Variants in KCNIP1 observed in about 807,000 individuals in gnomAD.
The protein encoded by KCNIP1 is A-type potassium channel modulatory protein KCNIP1.
Under a neutral mutation model 33.0 loss-of-function variants are expected in KCNIP1, and 18 were observed. The ratio of observed to expected loss-of-function variants is 0.55; its 90% CI spans 0.38 to 0.81. The LOEUF is 0.81. KCNIP1 is among the 30% of genes least tolerant of loss of function. The probability of loss-of-function intolerance (pLI) is 0.00; values close to 1 mark genes in which losing one functional copy is unlikely to be tolerated. For missense variants in KCNIP1, 238 were observed against 271.6 expected (o/e 0.88, Z 0.87); for synonymous variants, 93 against 98.3 (o/e 0.95, Z 0.32).
chr5:170,451,722 ATTGT>A lies in KCNIP1; in HGVS notation c.88+97759_88+97762del, dbSNP rs1334445759. Among the ~76,000 whole-genome samples, 23 of 77,302 alleles carry A rather than the reference ATTGT, an allele frequency of 3.0e-4. 1 individual carries two copies. Among genetic ancestry groups the A allele is most frequent in the African/African-American group, 1.2e-3 (21 of 18,000 alleles). The allele number at this position is 77,302 out of a possible 152,430, so 50.7% of individuals were successfully genotyped here. Reference sequence around the variant, plus strand: ...GGACAGTTGCTTCAGCTTCTCCTGCATTGTGTGTGTGTGTGTGTGTGTGTGTGTG... The same window carrying A: ...GGACAGTTGCTTCAGCTTCTCCTGCAGTGTGTGTGTGTGTGTGTGTGTGTG... On this transcript the variant is annotated intron_variant, in intron 1 of 7. Coordinates refer to the KCNIP1 transcript ENST00000377360.
chr5:170,391,774 T>C (rs1045670138), intron 1 of KCNIP1, among the ~76,000 whole-genome samples: 1 of 152,198 alleles, frequency 6.6e-6, no homozygotes, highest in African/African-American at 2.4e-5. Context: ...AAGCTTCAGT[T>C]TGTCTGTCTC....
chr5:170,548,531 G>A (rs1381813598), intron 1 of KCNIP1, among the ~76,000 whole-genome samples: 1 of 152,196 alleles, frequency 6.6e-6, no homozygotes, highest in African/African-American at 2.4e-5. Flanking sequence ...ATTTTCATTT[G>A]AGGTTTTTCA....
chr5:170,505,009 G>A (rs370113933), intron 1 of KCNIP1, among the ~76,000 whole-genome samples: 5 of 152,312 alleles, frequency 3.3e-5, no homozygotes, highest in African/African-American at 1.2e-4. Flanking sequence ...CACTCAGTGA[G>A]GGTGCTGCCA....
intron 3 of KCNIP1, chr5:170,721,632 G>T (rs1489172861): frequency 4.1e-6 from 4 of 983,890 alleles, no homozygotes; most frequent in Non-Finnish European, 6.1e-6. Flanking sequence ...AGGGGCAAGG[G>T]CTCATCTCAC....
chr5:170,576,082 C>T (rs1183432555), intron 1 of KCNIP1, among the ~76,000 whole-genome samples: 1 of 152,196 alleles, frequency 6.6e-6, no homozygotes, highest in Non-Finnish European at 1.5e-5. Flanking sequence ...TCTTCCTGCT[C>T]CATGTGGAGT....
At chr5:170,604,819 C>G (rs895715752) in intron 1 of KCNIP1, among the ~76,000 whole-genome samples, 7 of 152,238 alleles carry the variant, frequency 4.6e-5, no homozygotes, top group Non-Finnish European at 8.8e-5. Flanking sequence ...GTTCAGCCCC[C>G]CCAGGAGAGG....
chr5:170,559,692 A>G (rs1756966324), intron 1 of KCNIP1, among the ~76,000 whole-genome samples: 1 of 151,920 alleles, frequency 6.6e-6, no homozygotes, highest in Admixed American at 6.6e-5. Context: ...TGGACATTTC[A>G]CCTCTACATC....
At chr5:170,573,081 C>T (rs184764542) in intron 1 of KCNIP1, among the ~76,000 whole-genome samples, 148 of 152,352 alleles carry the variant, frequency 9.7e-4, no homozygotes, top group Non-Finnish European at 1.0e-3. Context: ...GCTCCCACCT[C>T]GGCTCTGGCA....
At chr5:170,513,608 G>C (rs1217703479) in intron 1 of KCNIP1, among the ~76,000 whole-genome samples, 1 of 152,236 alleles carries the variant, frequency 6.6e-6, no homozygotes, top group African/African-American at 2.4e-5. Context: ...AGGCATTCTA[G>C]GTCTTTATCT....
At chr5:170,576,774 C>T (rs1362830112) in intron 1 of KCNIP1, among the ~76,000 whole-genome samples, 4 of 152,218 alleles carry the variant, frequency 2.6e-5, no homozygotes, top group African/African-American at 7.2e-5. Context: ...TTCTGTCTCA[C>T]TTCCTCAATT....
intron 1 of KCNIP1, among the ~76,000 whole-genome samples, chr5:170,589,763 G>GTGTGATGTGA (rs1758147316): frequency 7.9e-6 from 1 of 127,384 alleles, no homozygotes; most frequent in Non-Finnish European, 1.7e-5. Flanking sequence ...GTGTGGTGTG[G>GTGTGATGTGA]TGTGGTGTGG....
intron 1 of KCNIP1, among the ~76,000 whole-genome samples, chr5:170,670,656 G>A (rs925360908): frequency 1.3e-5 from 2 of 152,188 alleles, no homozygotes; most frequent in African/African-American, 4.8e-5. Flanking sequence ...ACTTTGGGAG[G>A]CTGAAGCGGG....
At chr5:170,615,042 C>T (rs1759314480) in intron 1 of KCNIP1, among the ~76,000 whole-genome samples, 1 of 152,126 alleles carries the variant, frequency 6.6e-6, no homozygotes, top group African/African-American at 2.4e-5. Flanking sequence ...TGGCGAAACC[C>T]CATCTTTACT....
intron 1 of KCNIP1, among the ~76,000 whole-genome samples, chr5:170,362,798 C>T (rs1341427725): frequency 6.6e-6 from 1 of 152,160 alleles, no homozygotes. Context: ...AACTGTGGGC[C>T]AGTTTGGATG....
At chr5:170,572,516 A>G (rs757413413) in intron 1 of KCNIP1, among the ~76,000 whole-genome samples, 11 of 152,228 alleles carry the variant, frequency 7.2e-5, no homozygotes, top group Admixed American at 2.0e-4. Flanking sequence ...CTGACTAGGC[A>G]GCGCTTAAAA....
rs143282198 is a variant in KCNIP1 at position 170,564,039 on chromosome 5, G to A, written c.61+59406G>A. 3.3e-3 allele frequency among the ~76,000 whole-genome samples: 503 copies of A among 152,110 alleles called. 1 individual carries two copies. Among genetic ancestry groups the A allele is most frequent in the Non-Finnish European group, 5.6e-3 (380 of 68,000 alleles). ...CACACAGAGTCCCCAACCACCCTAC[G>A]TCCTCTTTCCTCCATAACCACGTCA... On this transcript the variant is annotated intron_variant, in intron 1 of 7. Transcript: ENST00000328939.
At chr5:170,425,332 C>A (rs1416910471) in intron 1 of KCNIP1, among the ~76,000 whole-genome samples, 2 of 152,160 alleles carry the variant, frequency 1.3e-5, no homozygotes, top group Admixed American at 6.5e-5. Flanking sequence ...GTTGGGTGAA[C>A]CCTGACCTGG....
chr5:170,417,632 CCT>C (rs1755365069), intron 1 of KCNIP1, among the ~76,000 whole-genome samples: 1 of 152,138 alleles, frequency 6.6e-6, no homozygotes, highest in Non-Finnish European at 1.5e-5. Context: ...CTCCCCATTC[CCT>C]GTTTTTTTTG....
chr5:170,483,558 G>T (rs1044704102), intron 1 of KCNIP1, among the ~76,000 whole-genome samples: 1 of 152,148 alleles, frequency 6.6e-6, no homozygotes. Context: ...GTGTGGGGCC[G>T]CAAGGTTCCA....
Sources: gnomAD v4.1 joint callset for allele counts (sites outside exome capture counted in the v4.1 genomes callset) on GRCh38, gnomAD v4.1.1 for gene constraint, MANE v1.5 for transcripts, NCBI Gene and HGNC (gene_info 2026-07-23, HGNC 2026-07-21) for gene names.